SPOCK1: variants seen among roughly 807,000 people sequenced by gnomAD.
SPOCK1 encodes the protein SPARC (osteonectin), cwcv and kazal like domains proteoglycan 1.
In SPOCK1, 23 loss-of-function variants were observed where a neutral mutation model predicts 55.3. The ratio of observed to expected loss-of-function variants is 0.42; its 90% CI spans 0.30 to 0.59. The LOEUF (loss-of-function observed/expected upper bound fraction) is 0.59. Ranked by LOEUF, SPOCK1 falls within the 20% of genes least tolerant of loss-of-function variation. The pLI, the probability that SPOCK1 is intolerant of heterozygous loss-of-function variation, is 0.22. For synonymous variants in SPOCK1, 226 were observed against 221.0 expected (o/e 1.02, Z -0.20); for missense variants, 499 against 552.5 (o/e 0.90, Z 0.97).
intron 2 of SPOCK1, among the ~76,000 whole-genome samples, chr5:137,480,551 C>T (rs901079323): frequency 6.6e-6 from 1 of 152,054 alleles, no homozygotes; most frequent in African/African-American, 2.4e-5. Context: ...ATAATGTGTC[C>T]AAGAGAAGTA....
chr5:137,328,126 T>C (rs1758110373), intron 2 of SPOCK1, among the ~76,000 whole-genome samples: 1 of 152,196 alleles, frequency 6.6e-6, no homozygotes, highest in Admixed American at 6.5e-5. Context: ...GCAAAATGAT[T>C]GGACTGACCA....
chr5:136,993,937 T>C (rs531464350), intron 6 of SPOCK1, among the ~76,000 whole-genome samples: 1 of 152,198 alleles, frequency 6.6e-6, no homozygotes, highest in Admixed American at 6.5e-5. Flanking sequence ...CAGAAGAAAA[T>C]ACCATGCAGA....
intron 2 of SPOCK1, among the ~76,000 whole-genome samples, chr5:137,480,344 C>G (rs934450295): frequency 2.0e-4 from 29 of 146,816 alleles, no homozygotes; most frequent in Non-Finnish European, 4.0e-4. Flanking sequence ...CACACACACA[C>G]TCATTCACTT....
rs548792897 is a variant in SPOCK1, at chr5:137,498,363, C to T, written c.186+10G>A. The T allele has an allele frequency of 6.8e-5, 108 of 1,582,028 alleles. No homozygotes were observed. The highest frequency in any genetic ancestry group is 1.6e-4 in the Admixed American group (9 of 57,434). On this transcript the variant is annotated intron_variant, in intron 2 of 10. Transcript: ENST00000394945. Reference sequence around the variant, plus strand: ...CGCGCCCCCCAGGGCCGGGTGGCGCCGGTACTCACGTCTCGAAAGCGGTTC... The same window carrying T: ...CGCGCCCCCCAGGGCCGGGTGGCGCTGGTACTCACGTCTCGAAAGCGGTTC...
chr5:137,067,236 T>C (rs1272661488), intron 6 of SPOCK1, among the ~76,000 whole-genome samples: 1 of 152,186 alleles, frequency 6.6e-6, no homozygotes, highest in Non-Finnish European at 1.5e-5. Flanking sequence ...AGGTATTCTC[T>C]TTCATCTGTC....
At chr5:137,209,888 A>G (rs1425542154) in intron 3 of SPOCK1, among the ~76,000 whole-genome samples, 1 of 152,210 alleles carries the variant, frequency 6.6e-6, no homozygotes, top group Non-Finnish European at 1.5e-5. Flanking sequence ...TAATAAATCC[A>G]TATTTATGCT....
chr5:137,416,098 G>C (rs906186056), intron 2 of SPOCK1, among the ~76,000 whole-genome samples: 2 of 151,754 alleles, frequency 1.3e-5, no homozygotes, highest in Non-Finnish European at 2.9e-5. Context: ...GAGGACAATA[G>C]AAAAGGAAAA....
chr5:137,127,898 G>A (rs1580765006), intron 4 of SPOCK1, among the ~76,000 whole-genome samples: 1 of 152,198 alleles, frequency 6.6e-6, no homozygotes, highest in Admixed American at 6.5e-5. Context: ...GAATTAAGAC[G>A]TTTATGGCTA....
intron 3 of SPOCK1, among the ~76,000 whole-genome samples, chr5:137,180,389 G>A (rs1293006844): frequency 1.3e-5 from 2 of 152,094 alleles, no homozygotes; most frequent in Non-Finnish European, 2.9e-5. Context: ...TGACAAAGAA[G>A]AGATACTTGA....
chr5:137,148,496 A>C (rs932476369), intron 3 of SPOCK1, among the ~76,000 whole-genome samples: 1 of 152,184 alleles, frequency 6.6e-6, no homozygotes, highest in Non-Finnish European at 1.5e-5. Context: ...CTGCTCTGAC[A>C]AGGACCCTCA....
chr5:137,372,288 T>C (rs530178393), intron 2 of SPOCK1, among the ~76,000 whole-genome samples: 1 of 152,216 alleles, frequency 6.6e-6, no homozygotes, highest in Non-Finnish European at 1.5e-5. Flanking sequence ...TCCTAACTAC[T>C]GTGCTCTTCA....
chr5:137,090,346 C>G (rs781008126), intron 5 of SPOCK1, among the ~76,000 whole-genome samples: 10 of 152,192 alleles, frequency 6.6e-5, no homozygotes, highest in Non-Finnish European at 1.3e-4. Flanking sequence ...GAACACCTCT[C>G]TTTTGTTGTG....
In SPOCK1 at chr5:136,977,803, C is replaced by G. The variant is rs913009730; in HGVS notation, c.*851G>C. 34 of 398,856 alleles carry G rather than the reference C, an allele frequency of 8.5e-5. 1 individual carries two copies. The highest frequency in any genetic ancestry group is 1.2e-3 in the Middle Eastern group (2 of 1,610). 24.7% of individuals were successfully genotyped at this position (398,856 alleles called of 1,614,324 possible). A position where few individuals can be genotyped will look rare whatever the true frequency, so the allele number is the denominator to read the frequency against. On this transcript the variant is annotated 3_prime_UTR_variant, in exon 11 of 11. Transcript: ENST00000394945. ...ATGCACAGAGAAGAGACTTCCTCAG[C>G]CTGCAGGCTACAAGAGCCAACTGTT...
At chr5:137,248,685 G>A (rs1375581097) in intron 3 of SPOCK1, among the ~76,000 whole-genome samples, 1 of 152,184 alleles carries the variant, frequency 6.6e-6, no homozygotes, top group African/African-American at 2.4e-5. Flanking sequence ...AGATGAGTGA[G>A]AATAGTCCCA....
chr5:137,074,861 C>T (rs542610445), intron 5 of SPOCK1, among the ~76,000 whole-genome samples: 5 of 152,206 alleles, frequency 3.3e-5, no homozygotes, highest in African/African-American at 9.6e-5. Context: ...CCCGCCACCA[C>T]GCCCGACTAA....
chr5:137,489,592 G>A (rs996407164), intron 2 of SPOCK1, among the ~76,000 whole-genome samples: 4 of 152,190 alleles, frequency 2.6e-5, no homozygotes, highest in African/African-American at 9.7e-5. Flanking sequence ...GCACAAAGAG[G>A]AGAGGAAAAG....
chr5:137,408,176 C>T (rs1418077600), intron 2 of SPOCK1, among the ~76,000 whole-genome samples: 1 of 152,226 alleles, frequency 6.6e-6, no homozygotes. Context: ...TACTAGCCCA[C>T]AAGGCCCATG....
chr5:137,070,333 C>G (rs1044157440), intron 5 of SPOCK1, among the ~76,000 whole-genome samples: 1 of 152,196 alleles, frequency 6.6e-6, no homozygotes, highest in South Asian at 2.1e-4. Context: ...TTTGTTATTA[C>G]AGCATAACTT....
At chr5:137,437,575 T>C (rs977628772) in intron 2 of SPOCK1, among the ~76,000 whole-genome samples, 9 of 152,162 alleles carry the variant, frequency 5.9e-5, no homozygotes, top group Non-Finnish European at 1.2e-4. Flanking sequence ...ACATTAACTT[T>C]CCCATCTTAA....
Sources: gnomAD v4.1 joint callset for allele counts (sites outside exome capture counted in the v4.1 genomes callset) on GRCh38, gnomAD v4.1.1 for gene constraint, MANE v1.5 for transcripts, NCBI Gene and HGNC (gene_info 2026-07-23, HGNC 2026-07-21) for gene names.